SLC41A2: variants seen among roughly 807,000 people sequenced by gnomAD.
The protein encoded by SLC41A2 is SLC41A1-like 1.
Under a neutral mutation model 58.3 loss-of-function variants are expected in SLC41A2, and 32 were observed. That is an observed-to-expected ratio of 0.55 (90% CI 0.41 to 0.74). SLC41A2 has a LOEUF of 0.74. Ranked by LOEUF, SLC41A2 falls within the 30% of genes least tolerant of loss-of-function variation. The pLI, the probability that SLC41A2 is intolerant of heterozygous loss-of-function variation, is 0.00. For synonymous variants in SLC41A2, 190 were observed against 235.0 expected, an observed-to-expected ratio of 0.81 and a Z score of 1.75; for missense variants, 514 against 680.6, an observed-to-expected ratio of 0.76 and a Z score of 2.72.
chr12:104,934,465 T>C (rs2047185432), intron 1 of SLC41A2, among the ~76,000 whole-genome samples: 1 of 151,742 alleles, frequency 6.6e-6, no homozygotes, highest in Non-Finnish European at 1.5e-5. Context: ...ACTACTTAAT[T>C]CCTTAATGGC....
At chr12:104,861,813 A>G (rs1244564515) in intron 7 of SLC41A2, among the ~76,000 whole-genome samples, 1 of 152,216 alleles carries the variant, frequency 6.6e-6, no homozygotes, top group Non-Finnish European at 1.5e-5. Context: ...ATGGTTTCAT[A>G]TTTGAAATAA....
At chr12:104,868,932 A>T (rs2043615433) in intron 6 of SLC41A2, among the ~76,000 whole-genome samples, 1 of 152,216 alleles carries the variant, frequency 6.6e-6, no homozygotes, top group Non-Finnish European at 1.5e-5. Context: ...AGCCCAGAAT[A>T]GGCAAATCCG....
At chr12:104,877,296 C>G (rs1414000282) in intron 6 of SLC41A2, among the ~76,000 whole-genome samples, 1 of 152,132 alleles carries the variant, frequency 6.6e-6, no homozygotes, top group East Asian at 1.9e-4. Flanking sequence ...TCTTAGGAGG[C>G]CCCCTAGTGC....
At chr12:104,883,585 C>A (rs1334295720) in intron 6 of SLC41A2, among the ~76,000 whole-genome samples, 1 of 152,218 alleles carries the variant, frequency 6.6e-6, no homozygotes, top group African/African-American at 2.4e-5. Context: ...CCCTCAGCTG[C>A]AGGTCTGTTG....
At chr12:104,875,481 G>C (rs1448565237) in intron 6 of SLC41A2, among the ~76,000 whole-genome samples, 1 of 152,100 alleles carries the variant, frequency 6.6e-6, no homozygotes, top group African/African-American at 2.4e-5. Context: ...ATTGGTATCA[G>C]GTGATGGTGA....
chr12:104,806,774 T>G (rs9668773), intron 10 of SLC41A2, among the ~76,000 whole-genome samples: 151,912 of 151,946 alleles, frequency 1, 75,939 homozygotes, highest in Middle Eastern at 1. Flanking sequence ...GTGTGAGATG[T>G]TATCTCATTG....
chr12:104,927,602 A>C (rs1361671108), intron 2 of SLC41A2, among the ~76,000 whole-genome samples: 1 of 152,142 alleles, frequency 6.6e-6, no homozygotes, highest in Non-Finnish European at 1.5e-5. Context: ...GAGAAACTTC[A>C]TGTTTTATTT....
chr12:104,938,547 A>G (rs550925533), intron 1 of SLC41A2, among the ~76,000 whole-genome samples: 4 of 152,316 alleles, frequency 2.6e-5, no homozygotes, highest in Non-Finnish European at 5.9e-5. Flanking sequence ...AAACAGAAAC[A>G]ATTCAGCTAT....
At chr12:104,812,057 G>C (rs1225878316) in intron 10 of SLC41A2, among the ~76,000 whole-genome samples, 1 of 152,232 alleles carries the variant, frequency 6.6e-6, no homozygotes, top group Non-Finnish European at 1.5e-5. Flanking sequence ...GGATAATTGA[G>C]AGTCTGCATA....
At chr12:104,934,873 A>C (rs1439401288) in intron 1 of SLC41A2, among the ~76,000 whole-genome samples, 2 of 152,136 alleles carry the variant, frequency 1.3e-5, no homozygotes, top group Non-Finnish European at 2.9e-5. Flanking sequence ...GGCGGTGGGG[A>C]GGAAGAGGAA....
chr12:104,935,910 G>C (rs2047247032), intron 1 of SLC41A2, among the ~76,000 whole-genome samples: 1 of 152,076 alleles, frequency 6.6e-6, no homozygotes, highest in Non-Finnish European at 1.5e-5. Flanking sequence ...GGGCATGAAG[G>C]CACACACCTG....
intron 6 of SLC41A2, among the ~76,000 whole-genome samples, chr12:104,886,068 T>A (rs147552594): frequency 0.01 from 1,567 of 151,076 alleles, 25 homozygotes; most frequent in African/African-American, 0.034. Flanking sequence ...CATCTAAAAT[T>A]AGAGATGATA....
At chr12:104,928,848 G>A (rs771872280) in intron 1 of SLC41A2, among the ~76,000 whole-genome samples, 154 bp from the exon 2 acceptor site, 4 of 152,104 alleles carry the variant, frequency 2.6e-5, no homozygotes, top group Non-Finnish European at 5.9e-5. Flanking sequence ...AAACATAACT[G>A]TTTTGTGCCA....
chr12:104,957,060 CA>C (rs2048195061), intron 1 of SLC41A2, among the ~76,000 whole-genome samples: 1 of 152,188 alleles, frequency 6.6e-6, no homozygotes, highest in Non-Finnish European at 1.5e-5. Context: ...GCACTGAAAA[CA>C]CATGTCCACA....
chr12:104,956,927 G>A (rs1184239055), intron 1 of SLC41A2, among the ~76,000 whole-genome samples: 1 of 152,180 alleles, frequency 6.6e-6, no homozygotes, highest in Non-Finnish European at 1.5e-5. Flanking sequence ...TGGGGAAGAT[G>A]TGAAGAAATC....
At chr12:104,895,190 A>T in intron 4 of SLC41A2, 84 bp downstream of exon 4, 2 of 911,932 alleles carry the variant, frequency 2.2e-6, no homozygotes, top group Non-Finnish European at 3.6e-6. Context: ...GTAGACTCAT[A>T]GTACTAAAAT....
chr12:104,891,193 G>A (rs2044948068), intron 4 of SLC41A2, among the ~76,000 whole-genome samples: 1 of 152,022 alleles, frequency 6.6e-6, no homozygotes, highest in African/African-American at 2.4e-5. Flanking sequence ...GCCTGGTTGG[G>A]GTTCCCTGTT....
intron 6 of SLC41A2, among the ~76,000 whole-genome samples, chr12:104,877,916 C>T (rs544154170): frequency 1.8e-4 from 28 of 151,908 alleles, no homozygotes; most frequent in Admixed American, 7.9e-4. Flanking sequence ...GGCTGAGGCA[C>T]GACCATCACT....
At chr12:104,952,101 A>G (rs2047978486) in intron 1 of SLC41A2, among the ~76,000 whole-genome samples, 1 of 152,180 alleles carries the variant, frequency 6.6e-6, no homozygotes, top group Admixed American at 6.5e-5. Flanking sequence ...TATCATTAAC[A>G]TGATTTCAAC....
Sources: gnomAD v4.1 joint callset for allele counts (sites outside exome capture counted in the v4.1 genomes callset) on GRCh38, gnomAD v4.1.1 for gene constraint, MANE v1.5 for transcripts, NCBI Gene and HGNC (gene_info 2026-07-23, HGNC 2026-07-21) for gene names.